Variants in RUNX1T1 observed in about 807,000 individuals in gnomAD.
The protein encoded by RUNX1T1 is RUNX1 partner transcriptional co-repressor 1, also known as protein CBFA2T1.
Under a neutral mutation model 62.8 loss-of-function variants are expected in RUNX1T1, and 4 were observed. The observed-to-expected ratio is 0.06, with a 90% CI of 0.03 to 0.15. RUNX1T1 has a LOEUF of 0.15. Ranked by LOEUF, RUNX1T1 falls within the 10% of genes least tolerant of loss-of-function variation. RUNX1T1 has a pLI of 1.00. For synonymous variants in RUNX1T1, 291 were observed against 286.0 expected (o/e 1.02, Z -0.18); for missense variants, 508 against 754.3 (o/e 0.67, Z 3.82).
intron 4 of RUNX1T1, among the ~76,000 whole-genome samples, chr8:92,007,096 G>T (rs771704049): frequency 2.0e-5 from 3 of 152,120 alleles, no homozygotes; most frequent in Non-Finnish European, 4.4e-5. Flanking sequence ...TAAAGAGAGA[G>T]CTTAGATACC....
chr8:91,994,449 A>G, intron 5 of RUNX1T1: 1 of 297,242 alleles, frequency 3.4e-6, no homozygotes, highest in Non-Finnish European at 6.9e-6. Context: ...ACTGAAGACT[A>G]TTAGTGGCTA....
intron 5 of RUNX1T1, chr8:92,003,386 A>T (rs745713903): frequency 4.6e-5 from 21 of 456,112 alleles, no homozygotes; most frequent in Middle Eastern, 6.5e-4. Flanking sequence ...AATAGCTGGA[A>T]ATACAGAGAA....
At chr8:92,000,110 G>A (rs1269589935) in intron 5 of RUNX1T1, among the ~76,000 whole-genome samples, 3 of 151,898 alleles carry the variant, frequency 2.0e-5, no homozygotes, top group Non-Finnish European at 4.4e-5. Flanking sequence ...GTTTGAGACC[G>A]GCCTGGCCAA....
At chr8:92,005,349 C>T in intron 4 of RUNX1T1, 52 bp from the exon 6 acceptor site, 2 of 1,532,592 alleles carry the variant, frequency 1.3e-6, no homozygotes, top group Non-Finnish European at 1.8e-6. Context: ...TTCTTCTGTC[C>T]TGTTGACTTA....
At chr8:92,061,680 G>A (rs4316190) in intron 1 of RUNX1T1, among the ~76,000 whole-genome samples, 1 of 152,170 alleles carries the variant, frequency 6.6e-6, no homozygotes. Context: ...CATCTGTGAG[G>A]TGTACAAACT....
chr8:91,966,608 C>G (rs928633216), intron 10 of RUNX1T1, among the ~76,000 whole-genome samples: 4 of 151,984 alleles, frequency 2.6e-5, no homozygotes, highest in Admixed American at 2.6e-4. Context: ...TTGGAAAAAG[C>G]TTTATCTGTA....
chr8:92,029,798 T>C (rs929025992), intron 1 of RUNX1T1, among the ~76,000 whole-genome samples: 4 of 152,144 alleles, frequency 2.6e-5, no homozygotes, highest in Non-Finnish European at 5.9e-5. Flanking sequence ...TAAAACCAAA[T>C]GTTTCACTCA....
chr8:92,080,216 ACT>A (rs1311476701), intron 1 of RUNX1T1, among the ~76,000 whole-genome samples: 14 of 151,958 alleles, frequency 9.2e-5, no homozygotes, highest in Admixed American at 2.0e-4. Flanking sequence ...AATGAATCCC[ACT>A]CAATGAAATG....
chr8:92,015,059 G>T (rs988749260), intron 2 of RUNX1T1, among the ~76,000 whole-genome samples: 2 of 152,138 alleles, frequency 1.3e-5, no homozygotes, highest in Non-Finnish European at 2.9e-5. Flanking sequence ...AATAAATGGA[G>T]TCTGCTGCAA....
chr8:92,055,504 C>T (rs988970918), intron 1 of RUNX1T1, among the ~76,000 whole-genome samples: 1 of 152,154 alleles, frequency 6.6e-6, no homozygotes, highest in Non-Finnish European at 1.5e-5. Context: ...TGTCATGGGG[C>T]GATCATAGCT....
chr8:92,012,873 G>A (rs913537422), intron 3 of RUNX1T1, among the ~76,000 whole-genome samples: 1 of 152,062 alleles, frequency 6.6e-6, no homozygotes, highest in African/African-American at 2.4e-5. Flanking sequence ...TTATATGCAA[G>A]TTATAATGAA....
intron 1 of RUNX1T1, among the ~76,000 whole-genome samples, chr8:92,090,602 T>C (rs1236769581): frequency 6.6e-6 from 1 of 152,168 alleles, no homozygotes; most frequent in Admixed American, 6.5e-5. Flanking sequence ...ATATGTCAGC[T>C]AGAAGCCAAC....
At chr8:92,100,952 G>A (rs1838007640), upstream of RUNX1T1, among the ~76,000 whole-genome samples, 1 of 152,134 alleles carries the variant, frequency 6.6e-6, no homozygotes, top group South Asian at 2.1e-4. Context: ...ATACTCACAT[G>A]GTCAAGGCAA....
intron 1 of RUNX1T1, among the ~76,000 whole-genome samples, chr8:92,052,537 T>C (rs1029580242): frequency 6.6e-6 from 1 of 152,210 alleles, no homozygotes; most frequent in East Asian, 1.9e-4. Context: ...ATGAACAATA[T>C]TGATTTCCAT....
At chr8:91,956,874 G>A (rs942921249), downstream of RUNX1T1, 3 of 214,630 alleles carry the variant, frequency 1.4e-5, no homozygotes, top group African/African-American at 2.3e-5. Context: ...ACAACATGGA[G>A]TCGCTTTCTT....
intron 1 of RUNX1T1, among the ~76,000 whole-genome samples, chr8:92,042,623 A>T (rs1200308363): frequency 6.6e-6 from 1 of 152,184 alleles, no homozygotes; most frequent in Non-Finnish European, 1.5e-5. Flanking sequence ...CACCCACTTG[A>T]TCTGCTTTCC....
intron 1 of RUNX1T1, among the ~76,000 whole-genome samples, chr8:92,036,998 C>A (rs1827543370): frequency 6.6e-6 from 1 of 152,146 alleles, no homozygotes. Flanking sequence ...GACTGAAGTT[C>A]CAATAGTCAT....
intron 8 of RUNX1T1, among the ~76,000 whole-genome samples, chr8:91,977,670 G>C (rs2130724549): frequency 6.6e-6 from 1 of 152,154 alleles, no homozygotes; most frequent in East Asian, 1.9e-4. Flanking sequence ...TAATTTATTG[G>C]ATAAGAATAA....
At chr8:92,092,680 A>C (rs1256808481) in intron 1 of RUNX1T1, among the ~76,000 whole-genome samples, 1 of 152,138 alleles carries the variant, frequency 6.6e-6, no homozygotes, top group Non-Finnish European at 1.5e-5. Context: ...TTTTAAAATA[A>C]ATTTTGTTTT....
Sources: allele counts gnomAD v4.1 joint callset (sites outside exome capture counted in the v4.1 genomes callset), GRCh38; gene constraint gnomAD v4.1.1; transcripts MANE v1.5; gene names NCBI Gene and HGNC (gene_info 2026-07-23, HGNC 2026-07-21).